The following CUX2 variants were observed in gnomAD, a reference collection of about 807,000 sequenced individuals.
CUX2 encodes cut like homeobox 2, also known as homeobox protein cut-like 2.
CUX2 carries 40 observed loss-of-function variants against 144.8 expected under a neutral mutation model. That is an observed-to-expected ratio of 0.28 (90% CI 0.21 to 0.36). CUX2 has a LOEUF of 0.36. Ranked by LOEUF, CUX2 falls within the 10% of genes least tolerant of loss-of-function variation. CUX2 has a pLI of 1.00. For missense variants in CUX2, 1,615 were observed against 1,994.0 expected (o/e 0.81, Z 3.62); for synonymous variants, 827 against 875.6 (o/e 0.94, Z 0.98).
chr12:111,056,691 G>T (rs1280078789), intron 1 of CUX2, among the ~76,000 whole-genome samples: 1 of 152,240 alleles, frequency 6.6e-6, no homozygotes, highest in Non-Finnish European at 1.5e-5. Flanking sequence ...AAGGGAGGAG[G>T]ACGTAGATCC....
chr12:111,167,583 A>G (rs1335998483), intron 1 of CUX2, among the ~76,000 whole-genome samples: 1 of 152,184 alleles, frequency 6.6e-6, no homozygotes. Flanking sequence ...CAGATTTACC[A>G]CGTTGTCAGA....
intron 19 of CUX2, among the ~76,000 whole-genome samples, chr12:111,337,333 A>T (rs1888393667): frequency 6.7e-6 from 1 of 148,944 alleles, no homozygotes; most frequent in Non-Finnish European, 1.5e-5. Context: ...AGCCTAGGTG[A>T]TAGAGTGAGA....
At chr12:111,237,773 C>A (rs892935180) in intron 3 of CUX2, among the ~76,000 whole-genome samples, 1 of 152,304 alleles carries the variant, frequency 6.6e-6, no homozygotes, top group Admixed American at 6.5e-5. Flanking sequence ...CCCGTCATTG[C>A]ACTTCTTTGA....
intron 1 of CUX2, among the ~76,000 whole-genome samples, chr12:111,134,618 C>CTGTGTGTGTG (rs773865569): frequency 4.8e-5 from 7 of 146,118 alleles, no homozygotes; most frequent in African/African-American, 1.6e-4. Flanking sequence ...CTCTCTCTCT[C>CTGTGTGTGTG]TCTGTGTGTG....
intron 3 of CUX2, among the ~76,000 whole-genome samples, chr12:111,220,173 C>T (rs1881769715): frequency 6.6e-6 from 1 of 151,776 alleles, no homozygotes; most frequent in Non-Finnish European, 1.5e-5. Flanking sequence ...GCATATTTCA[C>T]AGGGTGAGAT....
At chr12:111,226,958 G>A (rs991779009) in intron 3 of CUX2, among the ~76,000 whole-genome samples, 11 of 152,338 alleles carry the variant, frequency 7.2e-5, no homozygotes, top group Middle Eastern at 3.4e-3. Context: ...GCCGCTGGGC[G>A]TGCATCCATC....
chr12:111,306,844 A>G, intron 10 of CUX2, 77 bp from the exon 11 acceptor site: 2 of 1,245,642 alleles, frequency 1.6e-6, no homozygotes, highest in Non-Finnish European at 2.2e-6. Context: ...TCTGCTTGGG[A>G]TTCAGGGGTG....
intron 1 of CUX2, among the ~76,000 whole-genome samples, chr12:111,093,680 C>T (rs1289483161): frequency 6.6e-6 from 1 of 152,160 alleles, no homozygotes; most frequent in Non-Finnish European, 1.5e-5. Context: ...GGGGAAGTCC[C>T]AGTGGTTAGT....
At chr12:111,249,526 G>A (rs1389417991) in intron 3 of CUX2, among the ~76,000 whole-genome samples, 1 of 142,100 alleles carries the variant, frequency 7.0e-6, no homozygotes, top group South Asian at 2.2e-4. Context: ...GCATAATCTC[G>A]GCTCACTGCA....
chr12:111,282,210 T>C (rs570922080), intron 4 of CUX2, among the ~76,000 whole-genome samples: 1 of 151,200 alleles, frequency 6.6e-6, no homozygotes, highest in South Asian at 2.1e-4. Context: ...TAGCCCCAGC[T>C]ACTTGGGAGG....
intron 19 of CUX2, 26 bp downstream of exon 19, chr12:111,334,736 G>A: frequency 6.4e-7 from 1 of 1,563,810 alleles, no homozygotes; most frequent in African/African-American, 1.4e-5. Context: ...GAATCGGAGA[G>A]GCTGCCTCCC....
chr12:111,336,424 TTG>T (rs57009074), intron 19 of CUX2, among the ~76,000 whole-genome samples: 2,892 of 145,644 alleles, frequency 0.02, 96 homozygotes, highest in African/African-American at 0.061. Flanking sequence ...CACTTCAGTG[TTG>T]TGTGTGTGTG....
rs548250488 is a variant in CUX2 at position 111,186,344 on chromosome 12, G to A, written c.64-27856G>A. On this transcript the variant is annotated intron_variant, in intron 1 of 21. Transcript: ENST00000261726. This position sits in a 1 kb window ranked among gnomAD's most constrained non-coding sequence, Gnocchi z 4.4. ...GTCCACCCAGGCCCCTGCCTTCAGGGGTGGACACTCCATGGGGGACGCAGG... is the reference window on the plus strand; with the variant it reads ...GTCCACCCAGGCCCCTGCCTTCAGGAGTGGACACTCCATGGGGGACGCAGG... Among the ~76,000 whole-genome samples, 1 of 152,294 alleles carries A rather than the reference G, an allele frequency of 6.6e-6. No individual in the cohort carries two copies. Among genetic ancestry groups the A allele is most frequent in the Admixed American group, 6.5e-5 (1 of 15,300 alleles).
chr12:111,065,648 T>C (rs1393986922), intron 1 of CUX2, among the ~76,000 whole-genome samples: 1 of 152,236 alleles, frequency 6.6e-6, no homozygotes, highest in Non-Finnish European at 1.5e-5. Flanking sequence ...CCCTGTGTTA[T>C]TAATAGAAAT....
Position 111,320,906 on chromosome 12 carries a change from G to A in CUX2, c.2766+131G>A, listed in dbSNP as rs1335501386. ...CATTCCTGAGTCCTGCTGTCCCTGG[G>A]TCCCGCAGGAAGGAGGGCCACTGTT... On this transcript the variant is annotated intron_variant, in intron 17 of 21. Transcript: ENST00000261726. This position sits in a 1 kb window ranked among gnomAD's most constrained non-coding sequence, Gnocchi z 8.1. 4.6e-5 allele frequency: 47 copies of A among 1,013,794 alleles called. No individual in the cohort carries two copies. The East Asian group carries it at 1.4e-3, about 31-fold the overall frequency. The allele number at this position is 1,013,794 out of a possible 1,614,324, so 62.8% of individuals were successfully genotyped here. A position where few individuals can be genotyped will look rare whatever the true frequency, so the allele number is the denominator to read the frequency against.
chr12:111,215,611 G>A (rs1002647307), intron 2 of CUX2, among the ~76,000 whole-genome samples: 2 of 152,176 alleles, frequency 1.3e-5, no homozygotes, highest in African/African-American at 2.4e-5. Context: ...AGCCAAGAAG[G>A]CATCAGTGAT....
At chr12:111,036,642 TGTTC>T (rs1391618520) in intron 1 of CUX2, among the ~76,000 whole-genome samples, 4 of 150,078 alleles carry the variant, frequency 2.7e-5, no homozygotes, top group African/African-American at 9.8e-5. Context: ...AGGGGGGGGT[TGTTC>T]GTTAAAACAA....
At chr12:111,339,307 A>G (rs918299851) in intron 20 of CUX2, among the ~76,000 whole-genome samples, 1 of 151,874 alleles carries the variant, frequency 6.6e-6, no homozygotes, top group South Asian at 2.1e-4. Flanking sequence ...AAGCTACACC[A>G]AAGTCTGTTG....
At chr12:111,163,494 C>G (rs1445415469) in intron 1 of CUX2, among the ~76,000 whole-genome samples, 1 of 152,160 alleles carries the variant, frequency 6.6e-6, no homozygotes, top group Non-Finnish European at 1.5e-5. Context: ...AACCCTAGGG[C>G]TGTCAGCAGC....
Sources: allele counts gnomAD v4.1 joint callset (sites outside exome capture counted in the v4.1 genomes callset), GRCh38; gene constraint gnomAD v4.1.1; non-coding constraint Gnocchi (gnomAD v3.1); transcripts MANE v1.5; gene names NCBI Gene and HGNC (gene_info 2026-07-23, HGNC 2026-07-21).